Variants in MREG observed in about 807,000 individuals in gnomAD.
The protein encoded by MREG is melanoregulin.
Under a neutral mutation model 28.5 loss-of-function variants are expected in MREG, and 31 were observed. The observed-to-expected ratio is 1.09, with a 90% CI of 0.82 to 1.47. The LOEUF (loss-of-function observed/expected upper bound fraction) is 1.47, where lower values mean the gene tolerates loss of function less well. Among genes scored for constraint, MREG ranks in the 40% most tolerant of loss-of-function variants. MREG has a pLI of 0.00. For synonymous variants in MREG, 106 were observed against 95.2 expected (o/e 1.11, Z -0.66); for missense variants, 256 against 257.4 (o/e 0.99, Z 0.04).
chr2:216,033,179 C>T (rs1408424692), upstream of MREG, among the ~76,000 whole-genome samples: 2 of 152,160 alleles, frequency 1.3e-5, no homozygotes, highest in Admixed American at 1.3e-4. Flanking sequence ...TGCCACCCAG[C>T]TTAGACAATT....
At position 215,944,831 on chromosome 2, in the gene MREG, A is replaced by T. The variant is rs370100461; in HGVS notation, c.*32T>A. ...TTGGTTGACTGCTGAGTCCTCATGG[A>T]AGAATTCCCATTCTGCCCCTGAGCC... On this transcript the variant is annotated 3_prime_UTR_variant, in exon 5 of 5. Transcript: ENST00000263268. 4 of 1,557,400 alleles carry T rather than the reference A, an allele frequency of 2.6e-6. No homozygotes were observed. The African/African-American group carries it at 5.4e-5, about 21-fold the overall frequency.
At chr2:215,992,060 T>C (rs190255698) in intron 2 of MREG, among the ~76,000 whole-genome samples, 7 of 152,288 alleles carry the variant, frequency 4.6e-5, no homozygotes, top group African/African-American at 1.7e-4. Context: ...GCCAGCCTCA[T>C]CCTGATACCA....
At chr2:215,971,048 ACAC>A (rs542219316) in intron 2 of MREG, among the ~76,000 whole-genome samples, 248 of 152,186 alleles carry the variant, frequency 1.6e-3, no homozygotes, top group Non-Finnish European at 3.0e-3. Context: ...AGAAAACCAA[ACAC>A]CACATGTTCT....
At chr2:215,941,896 A>T (rs533739383), downstream of MREG, among the ~76,000 whole-genome samples, 28 of 152,302 alleles carry the variant, frequency 1.8e-4, no homozygotes, top group South Asian at 4.8e-3. Flanking sequence ...ACTCACTGCC[A>T]TTGGGCCTCT....
chr2:216,001,034 C>T (rs1002670263), intron 1 of MREG, among the ~76,000 whole-genome samples: 1 of 149,850 alleles, frequency 6.7e-6, no homozygotes, highest in Non-Finnish European at 1.5e-5. Context: ...GTCTCTCTTT[C>T]CTGTCTCTTG....
chr2:215,988,960 G>A (rs1693652563), intron 2 of MREG, among the ~76,000 whole-genome samples: 1 of 152,190 alleles, frequency 6.6e-6, no homozygotes, highest in Admixed American at 6.5e-5. Flanking sequence ...GTGGCTGTGG[G>A]CACAGCTTCA....
chr2:216,007,710 G>A (rs1386365173), intron 1 of MREG, among the ~76,000 whole-genome samples: 1 of 150,688 alleles, frequency 6.6e-6, no homozygotes, highest in Non-Finnish European at 1.5e-5. Flanking sequence ...GATTACAGGT[G>A]TGAGCCACTG....
At chr2:216,026,960 T>C (rs1202503879) in intron 1 of MREG, among the ~76,000 whole-genome samples, 1 of 152,244 alleles carries the variant, frequency 6.6e-6, no homozygotes, top group Non-Finnish European at 1.5e-5. Context: ...TGTAAATCTG[T>C]ACTTTAAACA....
chr2:215,998,306 A>C, intron 1 of MREG, among the ~76,000 whole-genome samples: 1 of 141,164 alleles, frequency 7.1e-6, no homozygotes, highest in African/African-American at 2.7e-5. Flanking sequence ...ACTCCATCTC[A>C]CAAAAAAAAA....
chr2:215,964,887 A>T (rs1002574202), intron 2 of MREG, among the ~76,000 whole-genome samples: 1 of 37,672 alleles, frequency 2.7e-5, no homozygotes, highest in Non-Finnish European at 8.0e-5. Context: ...AGATAGACAG[A>T]CAGATATCTC....
intron 1 of MREG, among the ~76,000 whole-genome samples, chr2:216,020,739 G>A (rs1694507539): frequency 6.6e-6 from 1 of 152,192 alleles, no homozygotes; most frequent in African/African-American, 2.4e-5. Context: ...TTTCAAGCAT[G>A]GTGTGTGTAT....
intron 2 of MREG, among the ~76,000 whole-genome samples, chr2:215,983,174 T>C (rs1296391954): frequency 6.6e-6 from 1 of 152,226 alleles, no homozygotes; most frequent in Non-Finnish European, 1.5e-5. Context: ...CCTCCGTGGT[T>C]GGGGTAAAAC....
chr2:215,996,211 A>G, intron 2 of MREG, 95 bp downstream of exon 2: 1 of 1,274,688 alleles, frequency 7.8e-7, no homozygotes, highest in South Asian at 1.7e-5. Flanking sequence ...TTCATCCTTC[A>G]TTCTTTTTGT....
At chr2:215,970,187 T>C (rs1474342238) in intron 2 of MREG, among the ~76,000 whole-genome samples, 1 of 151,922 alleles carries the variant, frequency 6.6e-6, no homozygotes, top group Non-Finnish European at 1.5e-5. Flanking sequence ...GCTTTCCCAA[T>C]AAGAAGGGGA....
intron 2 of MREG, among the ~76,000 whole-genome samples, chr2:215,951,689 T>C (rs958416042): frequency 2.6e-5 from 4 of 152,158 alleles, no homozygotes; most frequent in African/African-American, 9.6e-5. Flanking sequence ...TTGGGGTTTT[T>C]TTCCTCGTCA....
intron 2 of MREG, among the ~76,000 whole-genome samples, chr2:215,949,087 C>A (rs12618501): frequency 0.67 from 83,225 of 123,986 alleles, 26,983 homozygotes; most frequent in East Asian, 0.77. Flanking sequence ...ACTACTACTA[C>A]TAATAATAAT....
At chr2:215,975,730 G>T (rs3770539) in intron 2 of MREG, among the ~76,000 whole-genome samples, 27,034 of 152,090 alleles carry the variant, frequency 0.18, 2,572 homozygotes, top group East Asian at 0.39. Flanking sequence ...CCTTCAGTTG[G>T]GAAAGTGTAA....
chr2:215,945,804 T>C (rs2105965052), intron 3 of MREG, 70 bp from the exon 4 acceptor site: 2 of 1,366,994 alleles, frequency 1.5e-6, no homozygotes, highest in Non-Finnish European at 2.0e-6. Flanking sequence ...ATACGGTCCC[T>C]GCAGGAGATT....
At chr2:215,999,607 T>A (rs998131728) in intron 1 of MREG, among the ~76,000 whole-genome samples, 1 of 152,208 alleles carries the variant, frequency 6.6e-6, no homozygotes, top group African/African-American at 2.4e-5. Flanking sequence ...AACAAATACA[T>A]AATTTTGAAC....
Sources: gnomAD v4.1 joint callset for allele counts (sites outside exome capture counted in the v4.1 genomes callset) on GRCh38, gnomAD v4.1.1 for gene constraint, MANE v1.5 for transcripts, NCBI Gene and HGNC (gene_info 2026-07-23, HGNC 2026-07-21) for gene names.